TUBGCP3: variants seen among roughly 807,000 people sequenced by gnomAD.
TUBGCP3 encodes the protein gamma-tubulin complex component 3.
In TUBGCP3, 50 loss-of-function variants were observed where a neutral mutation model predicts 123.1. The ratio of observed to expected loss-of-function variants is 0.41; its 90% CI spans 0.32 to 0.51. The LOEUF (loss-of-function observed/expected upper bound fraction) is 0.51. TUBGCP3 is among the 20% of genes least tolerant of loss of function. The probability of loss-of-function intolerance (pLI) is 0.36; values close to 1 mark genes in which losing one functional copy is unlikely to be tolerated. For synonymous variants in TUBGCP3, 405 were observed against 413.9 expected (o/e 0.98, Z 0.26); for missense variants, 882 against 1,127.0 (o/e 0.78, Z 3.11).
At chr13:112,486,643 C>T (rs1355237003) in intron 21 of TUBGCP3, among the ~76,000 whole-genome samples, 1 of 152,252 alleles carries the variant, frequency 6.6e-6, no homozygotes, top group African/African-American at 2.4e-5. Flanking sequence ...TGCAGCCGCC[C>T]TCTTCATGGG....
At position 112,522,635 on chromosome 13, in the gene TUBGCP3, C is replaced by G. The variant is rs549474658; in HGVS notation, c.1556-126G>C. 1.7e-5 allele frequency: 14 copies of G among 826,324 alleles called. No homozygotes were observed. The South Asian group carries it at 2.1e-4, about 12-fold the overall frequency. 51.2% of individuals were successfully genotyped at this position (826,324 alleles called of 1,614,324 possible). A position where few individuals can be genotyped will look rare whatever the true frequency, so the allele number is the denominator to read the frequency against. On this transcript the variant is annotated intron_variant, in intron 13 of 21. Transcript: ENST00000261965. The stretch of plus-strand genomic sequence containing the variant: ...CCTGTGGCATCAGTAACAGACTGAC[C>G]GCAGGCACAGACAGCTGGACATTCC...
chr13:112,506,793 T>C (rs796197115), intron 17 of TUBGCP3, among the ~76,000 whole-genome samples: 3 of 152,338 alleles, frequency 2.0e-5, no homozygotes, highest in Admixed American at 6.5e-5. Context: ...TCCTTTTCAA[T>C]GTAAAGGGGC....
intron 19 of TUBGCP3, among the ~76,000 whole-genome samples, chr13:112,503,222 T>C (rs1311044437): frequency 6.6e-6 from 1 of 152,190 alleles, no homozygotes; most frequent in Non-Finnish European, 1.5e-5. Context: ...AGCAATGTGG[T>C]TCCTTCTTGT....
intron 13 of TUBGCP3, among the ~76,000 whole-genome samples, chr13:112,526,278 TCAC>T (rs1877076406): frequency 6.9e-6 from 1 of 145,232 alleles, no homozygotes; most frequent in African/African-American, 2.6e-5. Context: ...ACCACCATCA[TCAC>T]CATCAACATC....
chr13:112,537,891 T>C (rs1275663293), intron 11 of TUBGCP3, among the ~76,000 whole-genome samples: 8 of 152,250 alleles, frequency 5.3e-5, no homozygotes, highest in Non-Finnish European at 1.2e-4. Flanking sequence ...AGGAACTCTC[T>C]CAAGTTTTAT....
intron 11 of TUBGCP3, among the ~76,000 whole-genome samples, chr13:112,542,722 G>A (rs1245133776): frequency 1.3e-5 from 2 of 152,186 alleles, no homozygotes; most frequent in Non-Finnish European, 2.9e-5. Context: ...TTAAGGAGAA[G>A]GGGACAATGA....
intron 1 of TUBGCP3, among the ~76,000 whole-genome samples, chr13:112,585,145 T>TA (rs577585939): frequency 5.9e-4 from 89 of 152,062 alleles, no homozygotes; most frequent in African/African-American, 1.9e-3. Context: ...TTCATAGTAC[T>TA]AAAAAAAATG....
At chr13:112,492,540 C>G (rs751331796) in intron 20 of TUBGCP3, among the ~76,000 whole-genome samples, 5 of 152,258 alleles carry the variant, frequency 3.3e-5, no homozygotes, top group Admixed American at 6.5e-5. Flanking sequence ...ACCTCTCCCC[C>G]CAGAGGAGCC....
Position 112,554,135 on chromosome 13 carries a change from C to T in TUBGCP3, c.888G>A (p.Glu296=). 6.2e-7 allele frequency: 1 copy of T among 1,614,202 alleles called. No homozygotes were observed. The highest frequency in any genetic ancestry group is 8.5e-7 in the Non-Finnish European group (1 of 1,180,032). The change falls in exon 8 of 22, where the codon GAG becomes GAA. Residue 296 remains glutamate (E), a synonymous_variant. Transcript: ENST00000261965. ...SLRDTAVRLS[E]LGWLHNKIRR... is the part of the protein sequence containing the mutation. ...TGATTTTATTATGCAACCATCCCAACTCAGAAAGCCTGACTGCTGTGTCTC... is the reference window on the plus strand; with the variant it reads ...TGATTTTATTATGCAACCATCCCAATTCAGAAAGCCTGACTGCTGTGTCTC...
Position 112,545,780 on chromosome 13 carries a change from G to A in TUBGCP3, c.1254C>T (p.Ile418=), listed in dbSNP as rs912119075. Residue 418 remains isoleucine (I), a synonymous_variant, in exon 11 of 22, where the codon ATC becomes ATT. Coordinates refer to ENST00000261965, the MANE Select transcript of TUBGCP3 (RefSeq NM_006322.6). This position sits in a 1 kb window ranked among gnomAD's most constrained non-coding sequence, Gnocchi z 4.1. ...DPYMRSLVQH[I]LSLVSHPVLS... is the part of the protein sequence containing the mutation. Reference sequence around the variant, plus strand: ...AAACAGGATGAGACACGAGGCTGAGGATGTGCTGCACCAGAGACCGCATGT... The same window carrying A: ...AAACAGGATGAGACACGAGGCTGAGAATGTGCTGCACCAGAGACCGCATGT... 1 of 1,614,196 alleles carries A rather than the reference G, an allele frequency of 6.2e-7. No homozygotes were observed. The highest frequency in any genetic ancestry group is 8.5e-7 in the Non-Finnish European group (1 of 1,180,024).
Position 112,545,803 on chromosome 13 carries a change from T to G in TUBGCP3, c.1231A>C (p.Met411Leu). 6.2e-7 allele frequency: 1 copy of G among 1,614,184 alleles called. No homozygotes were observed. Among genetic ancestry groups the G allele is most frequent in the Non-Finnish European group, 8.5e-7 (1 of 1,180,024 alleles). The change falls in exon 11 of 22, where the codon ATG (methionine) becomes CTG (leucine). Residue 411 changes from methionine to leucine, a missense_variant. Physicochemically the swap from Met to Leu is conservative, Grantham distance 15 (BLOSUM62 2). This residue lies in a region of TUBGCP3 where 713 missense variants were observed against 874.0 expected (regional missense o/e 0.82). Transcript: ENST00000261965. This position sits in a 1 kb window ranked among gnomAD's most constrained non-coding sequence, Gnocchi z 4.1. ...HAYTKTGDPY[M>L]RSLVQHILSL... The stretch of plus-strand genomic sequence containing the variant: ...AGGATGTGCTGCACCAGAGACCGCA[T>G]GTACGGGTCTCCTGTTTTTGTGTAG...
In TUBGCP3 at chr13:112,546,182, C is replaced by T. The variant is rs572542019; in HGVS notation, c.1169-317G>A. 1.5e-5 allele frequency: 4 copies of T among 261,984 alleles called. 1 individual carries two copies. The highest frequency in any genetic ancestry group is 4.3e-5 in the African/African-American group (2 of 46,878). 16.2% of individuals were successfully genotyped at this position (261,984 alleles called of 1,614,324 possible). The stretch of plus-strand genomic sequence containing the variant: ...TCTAAAGTTCACATGACTTTTCATG[C>T]CTTTTCTACTTGAGACATACTAAGA... On this transcript the variant is annotated intron_variant, in intron 10 of 21. Transcript: ENST00000261965.
chr13:112,562,262 A>G (rs1291464575), intron 3 of TUBGCP3, among the ~76,000 whole-genome samples: 1 of 151,498 alleles, frequency 6.6e-6, no homozygotes, highest in Admixed American at 6.6e-5. Context: ...ACCAGCCAGG[A>G]CCTACTAGGG....
intron 3 of TUBGCP3, among the ~76,000 whole-genome samples, chr13:112,562,993 G>C (rs749474068): frequency 6.6e-6 from 1 of 152,032 alleles, no homozygotes; most frequent in South Asian, 2.1e-4. Flanking sequence ...CCCTGCCCTC[G>C]AGGCCAGAGT....
chr13:112,486,059 G>C lies in TUBGCP3; in HGVS notation c.2658C>G (p.Tyr886Ter). ...LSFRLDFNEH[Y>*]KAREPRLRVS... is the part of the protein sequence containing the mutation. ...CACGGAGCCTGGGCTCCCTGGCTTT[G>C]TAATGCTCGTTGAAGTCCAGCCTGA... is the stretch of plus-strand genomic sequence containing the variant. The change falls in exon 22 of 22, where the codon TAC becomes TAG. Residue 886 changes from tyrosine to a stop codon, truncating the protein, a stop_gained. Coordinates refer to ENST00000261965, the MANE Select transcript of TUBGCP3 (RefSeq NM_006322.6). LOFTEE classifies it high-confidence loss of function. The C allele has an allele frequency of 6.2e-7, 1 of 1,610,126 alleles. No homozygotes were observed.
At chr13:112,581,022 C>T (rs1882239464) in intron 1 of TUBGCP3, among the ~76,000 whole-genome samples, 1 of 132,884 alleles carries the variant, frequency 7.5e-6, no homozygotes, top group African/African-American at 3.3e-5. Context: ...ATTATCATCA[C>T]TCTGCTCACA....
At chr13:112,529,383 C>T (rs1203281200) in intron 11 of TUBGCP3, among the ~76,000 whole-genome samples, 1 of 152,178 alleles carries the variant, frequency 6.6e-6, no homozygotes, top group Non-Finnish European at 1.5e-5. Context: ...AATCATTTGA[C>T]TATATCAAAA....
intron 1 of TUBGCP3, among the ~76,000 whole-genome samples, chr13:112,583,788 G>A (rs1882426862): frequency 6.6e-6 from 1 of 152,204 alleles, no homozygotes; most frequent in African/African-American, 2.4e-5. Context: ...CTTTTCTGAA[G>A]GATGGGGGAG....
At chr13:112,568,792 G>A (rs927972973) in intron 2 of TUBGCP3, among the ~76,000 whole-genome samples, 8 of 152,174 alleles carry the variant, frequency 5.3e-5, no homozygotes, top group South Asian at 4.1e-4. Flanking sequence ...CATGTGTGGC[G>A]GCTCATTACT....
Sources: gnomAD v4.1 joint callset for allele counts (sites outside exome capture counted in the v4.1 genomes callset) on GRCh38, gnomAD v4.1.1 for gene constraint, gnomAD v4.1.1 regional missense constraint, Gnocchi (gnomAD v3.1) non-coding constraint, MANE v1.5 for transcripts, NCBI Gene and HGNC (gene_info 2026-07-23, HGNC 2026-07-21) for gene names.